The following DPYD variants were observed in gnomAD, a reference collection of about 807,000 sequenced individuals.
DPYD encodes dihydropyrimidine dehydrogenase [NADP(+)].
In DPYD, 109 loss-of-function variants were observed where a neutral mutation model predicts 116.2. The observed-to-expected ratio is 0.94, with a 90% confidence interval of 0.80 to 1.10. The LOEUF (loss-of-function observed/expected upper bound fraction) is 1.10. Among genes scored for constraint, DPYD ranks in the 50% least tolerant of loss-of-function variants. The pLI, the probability that DPYD is intolerant of heterozygous loss-of-function variation, is 0.00. For synonymous variants in DPYD, 440 were observed against 432.0 expected (o/e 1.02, Z -0.23); for missense variants, 1,302 against 1,254.5 (o/e 1.04, Z -0.57).
chr1:97,915,690 A>C (rs1674175969), intron 1 of DPYD, among the ~76,000 whole-genome samples: 1 of 152,194 alleles, frequency 6.6e-6, no homozygotes, highest in Non-Finnish European at 1.5e-5. Flanking sequence ...CTTATTAAAT[A>C]TTTTTAATTA....
intron 20 of DPYD, among the ~76,000 whole-genome samples, chr1:97,139,603 C>T (rs1654064855): frequency 6.6e-6 from 1 of 152,168 alleles, no homozygotes; most frequent in African/African-American, 2.4e-5. Flanking sequence ...GTCATTACCA[C>T]ACTACCAGAT....
chr1:97,130,259 G>C (rs886284291), intron 20 of DPYD, among the ~76,000 whole-genome samples: 8 of 152,164 alleles, frequency 5.3e-5, no homozygotes, highest in African/African-American at 1.7e-4. Flanking sequence ...TTACGAGTGA[G>C]AAAAGAAAGT....
intron 7 of DPYD, among the ~76,000 whole-genome samples, chr1:97,682,687 T>A (rs1660490808): frequency 6.6e-6 from 1 of 152,150 alleles, no homozygotes; most frequent in Non-Finnish European, 1.5e-5. Context: ...GTTAAATATA[T>A]ATGATGCTAG....
chr1:97,792,875 T>A (rs1254946724), intron 3 of DPYD, among the ~76,000 whole-genome samples: 1 of 152,128 alleles, frequency 6.6e-6, no homozygotes, highest in Non-Finnish European at 1.5e-5. Context: ...CAGGGTAAGT[T>A]GGACAAACTG....
intron 5 of DPYD, among the ~76,000 whole-genome samples, chr1:97,710,137 A>G (rs1662202785): frequency 6.6e-6 from 1 of 151,648 alleles, no homozygotes; most frequent in Admixed American, 6.6e-5. Flanking sequence ...GATAAATCTT[A>G]ATAAAAATAA....
chr1:97,795,026 G>C (rs1382521329), intron 3 of DPYD, among the ~76,000 whole-genome samples: 1 of 151,836 alleles, frequency 6.6e-6, no homozygotes, highest in Non-Finnish European at 1.5e-5. Flanking sequence ...TCTTTGTAGA[G>C]AACAAATAAG....
At chr1:97,095,839 C>T (rs1650208507) in intron 21 of DPYD, 1 of 152,078 alleles carries the variant, frequency 6.6e-6, no homozygotes, top group South Asian at 2.1e-4. Context: ...TTTGACAGGG[C>T]ACAGCATCTG....
intron 8 of DPYD, among the ~76,000 whole-genome samples, chr1:97,654,817 A>G (rs1557863628): frequency 6.6e-6 from 1 of 152,212 alleles, no homozygotes; most frequent in Non-Finnish European, 1.5e-5. Flanking sequence ...AGAAAAATGG[A>G]ATCGCAGTTC....
At chr1:97,603,893 T>G (rs1345383155) in intron 8 of DPYD, among the ~76,000 whole-genome samples, 1 of 152,110 alleles carries the variant, frequency 6.6e-6, no homozygotes, top group East Asian at 1.9e-4. Flanking sequence ...TAAACTAGCC[T>G]TTGCTATAGT....
At chr1:97,615,162 C>T (rs2811195) in intron 8 of DPYD, among the ~76,000 whole-genome samples, 23,195 of 151,994 alleles carry the variant, frequency 0.15, 1,996 homozygotes, top group African/African-American at 0.21. Flanking sequence ...AATTCATAAA[C>T]CCATATATCC....
chr1:97,836,588 A>G (rs1669782786), intron 2 of DPYD, among the ~76,000 whole-genome samples: 2 of 152,122 alleles, frequency 1.3e-5, no homozygotes, highest in Non-Finnish European at 2.9e-5. Flanking sequence ...ACGTTGTTTA[A>G]AAAACAATTA....
intron 16 of DPYD, among the ~76,000 whole-genome samples, chr1:97,361,508 G>T (rs571087140): frequency 7.6e-4 from 115 of 152,208 alleles, no homozygotes; most frequent in Non-Finnish European, 2.4e-4. Flanking sequence ...CAAAAAAAGA[G>T]AATTTTAGAC....
chr1:97,808,065 G>A (rs1403567302), intron 3 of DPYD, among the ~76,000 whole-genome samples: 1 of 151,912 alleles, frequency 6.6e-6, no homozygotes, highest in Non-Finnish European at 1.5e-5. Flanking sequence ...CTCAGACTTT[G>A]TTCTCCTTCA....
chr1:97,807,400 T>C (rs1037063679), intron 3 of DPYD, among the ~76,000 whole-genome samples: 3 of 152,094 alleles, frequency 2.0e-5, no homozygotes, highest in Non-Finnish European at 4.4e-5. Context: ...AATTCCCTAA[T>C]GACATATTTT....
chr1:97,128,928 A>G (rs1653057413), intron 20 of DPYD, among the ~76,000 whole-genome samples: 1 of 151,802 alleles, frequency 6.6e-6, no homozygotes, highest in Non-Finnish European at 1.5e-5. Context: ...GTGACAAAAA[A>G]TACCATTTTT....
chr1:97,689,722 G>A (rs925545678), intron 7 of DPYD, among the ~76,000 whole-genome samples: 23 of 151,976 alleles, frequency 1.5e-4, no homozygotes, highest in African/African-American at 5.1e-4. Flanking sequence ...CTTTTCAAAA[G>A]GAGGTAATGA....
In DPYD at chr1:97,380,119, T is replaced by A. The variant is rs557118137; in HGVS notation, c.1974+2274A>T. ...ATTACAAATTACAAAAGAAATTGAT[T>A]CAAGATCGACTACACTGGATTAAAG... On this transcript the variant is annotated intron_variant, in intron 15 of 22. Transcript: ENST00000370192. Among the ~76,000 whole-genome samples, 7 of 152,330 alleles carry A rather than the reference T, an allele frequency of 4.6e-5. No individual in the cohort carries two copies. The South Asian group carries it at 1.4e-3, about 32-fold the overall frequency.
chr1:97,141,889 G>A (rs1313752615), intron 20 of DPYD, among the ~76,000 whole-genome samples: 1 of 152,078 alleles, frequency 6.6e-6, no homozygotes, highest in Admixed American at 6.6e-5. Flanking sequence ...AGGAGTTACT[G>A]ACTCCTTTGC....
intron 3 of DPYD, among the ~76,000 whole-genome samples, chr1:97,799,850 C>G (rs904706360): frequency 6.6e-6 from 1 of 151,920 alleles, no homozygotes; most frequent in Admixed American, 6.6e-5. Flanking sequence ...TTGCCTAGAA[C>G]AGAACCTTGT....
Sources: allele counts gnomAD v4.1 joint callset (sites outside exome capture counted in the v4.1 genomes callset), GRCh38; gene constraint gnomAD v4.1.1; transcripts MANE v1.5; gene names NCBI Gene and HGNC (gene_info 2026-07-23, HGNC 2026-07-21).